Variants in RRAS2 observed in about 807,000 individuals in gnomAD.
RRAS2 encodes the protein ras-related protein R-Ras2.
In RRAS2, 7 loss-of-function variants were observed where a neutral mutation model predicts 27.6. The ratio of observed to expected loss-of-function variants is 0.25; its 90% confidence interval spans 0.14 to 0.48. RRAS2 has a LOEUF of 0.48. Ranked by LOEUF, RRAS2 falls within the 20% of genes least tolerant of loss-of-function variation. The pLI is 0.99. For missense variants in RRAS2, 178 were observed against 256.2 expected, an observed-to-expected ratio of 0.69 and a Z score of 2.08; for synonymous variants, 86 against 90.9, an observed-to-expected ratio of 0.95 and a Z score of 0.31.
intron 4 of RRAS2, among the ~76,000 whole-genome samples, chr11:14,284,774 G>A (rs1361766165): frequency 6.6e-6 from 1 of 152,084 alleles, no homozygotes; most frequent in Non-Finnish European, 1.5e-5. Flanking sequence ...TCTTGGCTCT[G>A]AAATCTTTAT....
At chr11:14,331,538 A>G (rs1376945072) in intron 1 of RRAS2, among the ~76,000 whole-genome samples, 3 of 152,082 alleles carry the variant, frequency 2.0e-5, no homozygotes, top group Non-Finnish European at 4.4e-5. Flanking sequence ...TGTTTGAACT[A>G]TTTTGTTATA....
intron 1 of RRAS2, among the ~76,000 whole-genome samples, chr11:14,351,350 T>A (rs992122663): frequency 2.6e-5 from 4 of 152,184 alleles, no homozygotes; most frequent in African/African-American, 7.2e-5. Flanking sequence ...ACTGGCAAAT[T>A]TCAAACAAAT....
At chr11:14,301,221 G>A (rs139330322) in intron 1 of RRAS2, among the ~76,000 whole-genome samples, 202 of 152,238 alleles carry the variant, frequency 1.3e-3, no homozygotes, top group Non-Finnish European at 2.3e-3. Context: ...ATGGTTGTAG[G>A]TTCTCTGGAC....
chr11:14,353,345 G>A (rs1849005395), intron 1 of RRAS2, among the ~76,000 whole-genome samples: 1 of 152,126 alleles, frequency 6.6e-6, no homozygotes, highest in Non-Finnish European at 1.5e-5. Flanking sequence ...CAGGCATGGT[G>A]CAGGCCCAGG....
chr11:14,359,412 G>A (rs1849158740), upstream of RRAS2, among the ~76,000 whole-genome samples: 1 of 152,258 alleles, frequency 6.6e-6, no homozygotes, highest in Non-Finnish European at 1.5e-5. Flanking sequence ...GTCTATGTAA[G>A]GGATTGTGTG....
intron 1 of RRAS2, among the ~76,000 whole-genome samples, chr11:14,303,762 C>T (rs894009089): frequency 1.3e-5 from 2 of 152,154 alleles, no homozygotes; most frequent in African/African-American, 2.4e-5. Context: ...CCCTGCTCTG[C>T]ATCTCTTCTA....
chr11:14,348,732 A>G (rs1049693130), intron 1 of RRAS2, among the ~76,000 whole-genome samples: 1 of 152,154 alleles, frequency 6.6e-6, no homozygotes, highest in East Asian at 1.9e-4. Context: ...TGCTCCAAGC[A>G]TATTTTGTAT....
At chr11:14,285,808 C>CT (rs1421441052) in intron 4 of RRAS2, among the ~76,000 whole-genome samples, 1 of 152,172 alleles carries the variant, frequency 6.6e-6, no homozygotes, top group Non-Finnish European at 1.5e-5. Flanking sequence ...TCCTGCCATC[C>CT]TTATCTTTGT....
At chr11:14,289,703 G>A (rs1323837127) in intron 4 of RRAS2, among the ~76,000 whole-genome samples, 2 of 152,094 alleles carry the variant, frequency 1.3e-5, no homozygotes, top group African/African-American at 4.8e-5. Context: ...AATAAATACT[G>A]GATGAATGGA....
chr11:14,339,923 G>A (rs1389567917), intron 1 of RRAS2, among the ~76,000 whole-genome samples: 5 of 151,804 alleles, frequency 3.3e-5, no homozygotes, highest in African/African-American at 4.8e-5. Flanking sequence ...AGACCAGCCT[G>A]GGCAATATGG....
chr11:14,334,025 T>C (rs1435653963), intron 1 of RRAS2, among the ~76,000 whole-genome samples: 1 of 152,212 alleles, frequency 6.6e-6, no homozygotes, highest in Non-Finnish European at 1.5e-5. Flanking sequence ...ATTGACCACA[T>C]AGGTGATTTC....
intron 1 of RRAS2, chr11:14,308,324 A>T (rs782424328): frequency 1.1e-5 from 5 of 439,216 alleles, no homozygotes; most frequent in Admixed American, 2.6e-5. Flanking sequence ...AGACCTAGAC[A>T]GATTAAACAT....
chr11:14,328,366 C>CAAAAAAAAA (rs71041596), intron 1 of RRAS2, among the ~76,000 whole-genome samples: 1 of 67,698 alleles, frequency 1.5e-5, no homozygotes, highest in Non-Finnish European at 2.6e-5. Context: ...AACTCCAACT[C>CAAAAAAAAA]AAAAAAAAAA....
intron 1 of RRAS2, among the ~76,000 whole-genome samples, chr11:14,325,503 G>C (rs1300383772): frequency 1.3e-5 from 2 of 152,054 alleles, no homozygotes; most frequent in Non-Finnish European, 1.5e-5. Flanking sequence ...GTTTCACCTT[G>C]TTAGCCAGAA....
At chr11:14,342,168 T>G (rs1554953368) in intron 1 of RRAS2, 3 of 180,700 alleles carry the variant, frequency 1.7e-5, no homozygotes, top group Non-Finnish European at 3.5e-5. Context: ...CACAGTCACA[T>G]GACCAAGAAC....
At chr11:14,305,627 T>C (rs1457089777) in intron 1 of RRAS2, among the ~76,000 whole-genome samples, 1 of 152,210 alleles carries the variant, frequency 6.6e-6, no homozygotes, top group African/African-American at 2.4e-5. Context: ...CTCTTCCCAC[T>C]GTCCTCAAAT....
chr11:14,338,756 C>T (rs1848639604), intron 1 of RRAS2, among the ~76,000 whole-genome samples: 2 of 151,986 alleles, frequency 1.3e-5, no homozygotes, highest in Non-Finnish European at 2.9e-5. Context: ...GGATTTAAAG[C>T]TCAGAGTTAC....
In RRAS2 at chr11:14,353,808, G is replaced by A. The variant is rs191171529; in HGVS notation, c.108+4955C>T. 9.1e-4 allele frequency among the ~76,000 whole-genome samples: 138 copies of A among 152,182 alleles called. 1 individual carries two copies. The highest frequency in any genetic ancestry group is 3.4e-3 in the Middle Eastern group (1 of 294). On this transcript the variant is annotated intron_variant, in intron 1 of 5. Coordinates refer to ENST00000256196, the MANE Select transcript of RRAS2 (RefSeq NM_012250.6). ...TCTATAAGAAAATGTTCTTCCTTGG[G>A]TGTACAGAAATTTTATCTAGGAATT...
intron 1 of RRAS2, among the ~76,000 whole-genome samples, chr11:14,324,427 C>CG (rs1278210660): frequency 1.4e-3 from 125 of 90,534 alleles, no homozygotes; most frequent in African/African-American, 4.7e-3. Context: ...AAACAGAGGC[C>CG]AAAAAAAAAA....
Sources: gnomAD v4.1 joint callset for allele counts (sites outside exome capture counted in the v4.1 genomes callset) on GRCh38, gnomAD v4.1.1 for gene constraint, MANE v1.5 for transcripts, NCBI Gene and HGNC (gene_info 2026-07-23, HGNC 2026-07-21) for gene names.